CSMD1: variants seen among roughly 807,000 people sequenced by gnomAD.
The protein encoded by CSMD1 is CUB and sushi domain-containing protein 1.
Under a neutral mutation model 417.5 loss-of-function variants are expected in CSMD1, and 213 were observed. The ratio of observed to expected loss-of-function variants is 0.51; its 90% confidence interval spans 0.46 to 0.57. CSMD1 has a LOEUF of 0.57. Ranked by LOEUF, CSMD1 falls within the 20% of genes least tolerant of loss-of-function variation. The pLI is 0.00. For synonymous variants in CSMD1, 2,862 were observed against 1,736.8 expected (o/e 1.65, Z -16.11); for missense variants, 6,923 against 4,529.7 (o/e 1.53, Z -15.17).
intron 8 of CSMD1, among the ~76,000 whole-genome samples, chr8:3,609,176 T>A (rs1304019702): frequency 6.6e-6 from 1 of 152,194 alleles, no homozygotes; most frequent in Non-Finnish European, 1.5e-5. Flanking sequence ...ACGCTTCTAC[T>A]TATAAACATG....
chr8:3,432,486 TA>T (rs1411877864), intron 12 of CSMD1, among the ~76,000 whole-genome samples: 19 of 149,936 alleles, frequency 1.3e-4, no homozygotes, highest in African/African-American at 4.4e-4. Context: ...TACTGAAAGT[TA>T]AAAATTGTTT....
intron 2 of CSMD1, among the ~76,000 whole-genome samples, chr8:4,529,168 C>T (rs1182892815): frequency 6.6e-6 from 1 of 152,116 alleles, no homozygotes; most frequent in Non-Finnish European, 1.5e-5. Flanking sequence ...TGGGGGATCC[C>T]TGAGGTACTC....
At chr8:3,878,130 C>G (rs1805952732) in intron 5 of CSMD1, among the ~76,000 whole-genome samples, 1 of 152,108 alleles carries the variant, frequency 6.6e-6, no homozygotes. Context: ...TGCCCACATT[C>G]CTTTCCTTTT....
chr8:4,081,107 C>T (rs886780403), intron 3 of CSMD1, among the ~76,000 whole-genome samples: 1 of 152,286 alleles, frequency 6.6e-6, no homozygotes, highest in South Asian at 2.1e-4. Flanking sequence ...GATTGGACTG[C>T]TTCCAGACAC....
At chr8:4,984,786 A>G (rs1156695774) in intron 1 of CSMD1, among the ~76,000 whole-genome samples, 1 of 152,196 alleles carries the variant, frequency 6.6e-6, no homozygotes, top group East Asian at 1.9e-4. Context: ...GATTCTTGCC[A>G]GAACAGAAAC....
At chr8:4,496,841 G>C (rs140323484) in intron 2 of CSMD1, among the ~76,000 whole-genome samples, 1 of 152,130 alleles carries the variant, frequency 6.6e-6, no homozygotes, top group Non-Finnish European at 1.5e-5. Flanking sequence ...AGAAAAATGA[G>C]TTCACAGAAG....
intron 6 of CSMD1, among the ~76,000 whole-genome samples, chr8:3,720,854 C>G (rs1802123112): frequency 6.6e-6 from 1 of 151,970 alleles, no homozygotes; most frequent in African/African-American, 2.4e-5. Context: ...CTCTGTTGCC[C>G]AGGTTGAAGT....
intron 3 of CSMD1, among the ~76,000 whole-genome samples, chr8:4,193,806 G>A (rs1484001242): frequency 3.3e-5 from 5 of 151,980 alleles, no homozygotes; most frequent in Non-Finnish European, 5.9e-5. Flanking sequence ...ATGCTATGGC[G>A]AGAAGAGCAG....
chr8:3,589,328 G>T (rs1264792258), intron 8 of CSMD1, among the ~76,000 whole-genome samples: 1 of 151,960 alleles, frequency 6.6e-6, no homozygotes, highest in African/African-American at 2.4e-5. Flanking sequence ...CCAAGTCGTG[G>T]AATCAATGCA....
chr8:4,353,721 C>G (rs1488109948), intron 3 of CSMD1, among the ~76,000 whole-genome samples: 3 of 150,700 alleles, frequency 2.0e-5, no homozygotes, highest in African/African-American at 7.3e-5. Flanking sequence ...TTGTGAACCA[C>G]AGTTTTTGTT....
chr8:3,586,950 C>G (rs1055153179), intron 8 of CSMD1, among the ~76,000 whole-genome samples: 3 of 152,142 alleles, frequency 2.0e-5, no homozygotes, highest in African/African-American at 7.2e-5. Context: ...CAGATGTGCA[C>G]AACTAGGCCC....
chr8:4,933,090 GTAAT>G (rs5889075), intron 1 of CSMD1, among the ~76,000 whole-genome samples: 36,430 of 152,048 alleles, frequency 0.24, 5,649 homozygotes, highest in Non-Finnish European at 0.35. Context: ...GCGGCTTGAA[GTAAT>G]TAATCACCTT....
At chr8:2,963,196 G>A (rs976298552) in intron 60 of CSMD1, 26 bp downstream of exon 60, 8 of 1,611,858 alleles carry the variant, frequency 5.0e-6, no homozygotes, top group Non-Finnish European at 5.9e-6. Flanking sequence ...TGCAGTGGGC[G>A]GAACAAATTC....
At chr8:3,409,711 C>T (rs1276593997) in intron 12 of CSMD1, 106 bp from the exon 13 acceptor site, 11 of 845,904 alleles carry the variant, frequency 1.3e-5, no homozygotes, top group African/African-American at 1.7e-5. Flanking sequence ...CTGAACTAAA[C>T]ATCATTTTTG....
At chr8:4,069,412 C>G (rs554953001) in intron 3 of CSMD1, among the ~76,000 whole-genome samples, 1 of 152,126 alleles carries the variant, frequency 6.6e-6, no homozygotes, top group Non-Finnish European at 1.5e-5. Flanking sequence ...TCCGAGTTTT[C>G]CATGAGCATC....
intron 3 of CSMD1, among the ~76,000 whole-genome samples, chr8:4,279,129 C>T (rs181406018): frequency 4.3e-4 from 65 of 152,234 alleles, no homozygotes; most frequent in African/African-American, 1.5e-3. Context: ...AACTTCTGAG[C>T]ATCTCCGTTT....
intron 49 of CSMD1, among the ~76,000 whole-genome samples, chr8:3,073,461 A>C (rs1813446464): frequency 6.6e-6 from 1 of 152,234 alleles, no homozygotes; most frequent in African/African-American, 2.4e-5. Context: ...ATCAACACAG[A>C]TTCACTCTAG....
intron 3 of CSMD1, among the ~76,000 whole-genome samples, chr8:4,331,544 G>A (rs1158866277): frequency 1.3e-5 from 2 of 152,092 alleles, no homozygotes; most frequent in African/African-American, 2.4e-5. Flanking sequence ...TGTAAGCCTG[G>A]CAGTATGAAT....
At chr8:4,301,254 T>C (rs1479591576) in intron 3 of CSMD1, among the ~76,000 whole-genome samples, 2 of 152,310 alleles carry the variant, frequency 1.3e-5, no homozygotes, top group African/African-American at 2.4e-5. Flanking sequence ...AACATCATCA[T>C]TCTTTGGCCC....
Sources: gnomAD v4.1 joint callset for allele counts (sites outside exome capture counted in the v4.1 genomes callset) on GRCh38, gnomAD v4.1.1 for gene constraint, MANE v1.5 for transcripts, NCBI Gene and HGNC (gene_info 2026-07-23, HGNC 2026-07-21) for gene names.